PRDX6: variants seen among roughly 807,000 people sequenced by gnomAD.
PRDX6 encodes peroxiredoxin 6.
In PRDX6, 13 loss-of-function variants were observed where a neutral mutation model predicts 20.0. The ratio of observed to expected loss-of-function variants is 0.65; its 90% confidence interval spans 0.42 to 1.03. The LOEUF (loss-of-function observed/expected upper bound fraction) is 1.03. Among genes scored for constraint, PRDX6 ranks in the 50% least tolerant of loss-of-function variants. The probability of loss-of-function intolerance (pLI) is 0.00; values close to 1 mark genes in which losing one functional copy is unlikely to be tolerated. For synonymous variants in PRDX6, 85 were observed against 100.8 expected (o/e 0.84, Z 0.94); for missense variants, 203 against 276.9 (o/e 0.73, Z 1.89).
Position 173,487,457 on chromosome 1 carries a change from G to T in PRDX6, c.547-278G>T, listed in dbSNP as rs528183423. On this transcript the variant is annotated intron_variant, in intron 4 of 4. Coordinates refer to ENST00000340385, the MANE Select transcript of PRDX6 (RefSeq NM_004905.3). Reference sequence around the variant, plus strand: ...AGAGGAGGCAGGATTCCATCACACAGGGCTTGCAGGCCATGATACTCAGAA... The same window carrying T: ...AGAGGAGGCAGGATTCCATCACACATGGCTTGCAGGCCATGATACTCAGAA... 3.3e-5 allele frequency among the ~76,000 whole-genome samples: 5 copies of T among 152,312 alleles called. No individual in the cohort carries two copies. The South Asian group carries it at 8.3e-4, about 25-fold the overall frequency.
chr1:173,479,241 T>C (rs1658762257), intron 1 of PRDX6, among the ~76,000 whole-genome samples: 2 of 152,218 alleles, frequency 1.3e-5, no homozygotes. Context: ...GAGCCATAGT[T>C]AGGAACACGG....
intron 4 of PRDX6, among the ~76,000 whole-genome samples, chr1:173,486,610 C>T (rs753141364): frequency 1.8e-4 from 28 of 152,074 alleles, no homozygotes; most frequent in Non-Finnish European, 3.5e-4. Flanking sequence ...ATATGGCTTT[C>T]CAACTTTTAG....
Position 173,487,039 on chromosome 1 carries a change from G to A in PRDX6, c.546+638G>A, listed in dbSNP as rs1189603505. Among the ~76,000 whole-genome samples the A allele has an allele frequency of 2.0e-5, 3 of 152,312 alleles. No homozygotes were observed. The East Asian group carries it at 5.8e-4, about 29-fold the overall frequency. On this transcript the variant is annotated intron_variant, in intron 4 of 4. Coordinates refer to ENST00000340385, the MANE Select transcript of PRDX6 (RefSeq NM_004905.3). ...TTTATGTACTTATTGAGCCCAGATA[G>A]TAGTGAACTGGGGAGATAGCAGTGA...
intron 4 of PRDX6, among the ~76,000 whole-genome samples, chr1:173,486,715 A>G (rs1658907884): frequency 6.6e-6 from 1 of 152,230 alleles, no homozygotes; most frequent in Non-Finnish European, 1.5e-5. Flanking sequence ...ATGGCAAAAT[A>G]TTTATCGCAC....
chr1:173,479,137 A>G lies in PRDX6; in HGVS notation c.95+1645A>G, dbSNP rs924244677. Among the ~76,000 whole-genome samples, 5 of 152,338 alleles carry G rather than the reference A, an allele frequency of 3.3e-5. No individual in the cohort carries two copies. In the East Asian group the frequency reaches 9.6e-4, roughly 29 times the overall value. ...TGTGCCAACAGTTATAAATGCTGTC[A>G]CTTTTTAAGCTAACCATACTTTTTT... On this transcript the variant is annotated intron_variant, in intron 1 of 4. Transcript: ENST00000340385.
intron 4 of PRDX6, 50 bp from the exon 5 acceptor site, chr1:173,487,685 G>T: frequency 6.2e-7 from 1 of 1,606,152 alleles, no homozygotes; most frequent in South Asian, 1.1e-5. Context: ...TGAAGGCCTT[G>T]AAGCTTCACT....
At chr1:173,479,957 G>A (rs1321421799) in intron 1 of PRDX6, among the ~76,000 whole-genome samples, 19 of 152,114 alleles carry the variant, frequency 1.2e-4, no homozygotes, top group East Asian at 7.7e-4. Context: ...AGGAGGAAAC[G>A]CCCTGTTCCA....
At chr1:173,484,376 G>A (rs750602300) in intron 2 of PRDX6, among the ~76,000 whole-genome samples, 18 of 151,380 alleles carry the variant, frequency 1.2e-4, no homozygotes, top group Non-Finnish European at 2.6e-4. Context: ...GTAACTTTTG[G>A]AGTCCTACAA....
Position 173,487,788 on chromosome 1 carries a change from A to C in PRDX6, c.600A>C (p.Lys200Asn), listed in dbSNP as rs1404487150. Reference protein sequence around the residue: ...LPTIPEEEAKKLFPKGVFTKE... With the variant: ...LPTIPEEEAKNLFPKGVFTKE... The stretch of plus-strand genomic sequence containing the variant: ...CCATCCCTGAAGAAGAAGCCAAAAA[A>C]CTTTTCCCGAAAGGAGTCTTCACCA... The change falls in exon 5 of 5, where the codon AAA becomes AAC. Residue 200 changes from lysine (K) to asparagine (N), a missense_variant. By Grantham distance (94) the Lys-to-Asn change is moderately conservative (BLOSUM62 0). Transcript: ENST00000340385. The C allele has an allele frequency of 1.9e-6, 3 of 1,614,140 alleles. No homozygotes were observed. The highest frequency in any genetic ancestry group is 1.3e-5 in the African/African-American group (1 of 75,048).
chr1:173,481,499 A>C lies in PRDX6; in HGVS notation c.252+17A>C, dbSNP rs749075728. 1.2e-6 allele frequency: 2 copies of C among 1,611,272 alleles called. No individual in the cohort carries two copies. The highest frequency in any genetic ancestry group is 1.7e-5 in the Admixed American group (1 of 59,990). On this transcript the variant is annotated intron_variant, in intron 2 of 4. Transcript: ENST00000340385. ...TGGAGCAAGGTTAGTATCAATTGGC[A>C]TGTGCTTTGAGCCTGAGATTATAGG...
At chr1:173,486,527 C>T in intron 4 of PRDX6, 126 bp downstream of exon 4, 2 of 1,040,940 alleles carry the variant, frequency 1.9e-6, no homozygotes, top group South Asian at 1.9e-5. Flanking sequence ...TTCCTCATGG[C>T]TGAGTTCAAG....
chr1:173,485,478 G>A lies in PRDX6; in HGVS notation c.370G>A (p.Glu124Lys), dbSNP rs1658880645. The A allele has an allele frequency of 6.2e-7, 1 of 1,606,866 alleles. No individual in the cohort carries two copies. Among genetic ancestry groups the A allele is most frequent in the Non-Finnish European group, 8.5e-7 (1 of 1,176,308 alleles). The change falls in exon 3 of 5, where the codon GAA becomes AAA. Residue 124 changes from glutamate to lysine, a missense_variant. Glu to Lys is a moderately conservative substitution (Grantham distance 56). Transcript: ENST00000340385. ...LGMLDPAEKD[E>K]KGMPVTARVV... ...CATGCTGGATCCAGCAGAGAAGGAT[G>A]AAAAGGGCATGCCTGTGACAGCTCG...
At chr1:173,478,294 A>C (rs1272786121) in intron 1 of PRDX6, among the ~76,000 whole-genome samples, 2 of 152,202 alleles carry the variant, frequency 1.3e-5, no homozygotes, top group African/African-American at 4.8e-5. Context: ...GTTCCGCTGG[A>C]GTGGCCTATT....
At chr1:173,479,743 G>C (rs1263897746) in intron 1 of PRDX6, among the ~76,000 whole-genome samples, 2 of 152,150 alleles carry the variant, frequency 1.3e-5, no homozygotes, top group Non-Finnish European at 2.9e-5. Context: ...GACTTGGAGG[G>C]GAAGGAAGGC....
intron 2 of PRDX6, 95 bp downstream of exon 2, chr1:173,481,577 C>T (rs1658801820): frequency 7.7e-7 from 1 of 1,303,336 alleles, no homozygotes; most frequent in Non-Finnish European, 1.1e-6. Flanking sequence ...ACAAGTAAGC[C>T]TTAGGTTCAA....
intron 2 of PRDX6, 118 bp downstream of exon 2, chr1:173,481,600 A>G: frequency 3.6e-6 from 4 of 1,103,720 alleles, no homozygotes; most frequent in Non-Finnish European, 5.3e-6. Flanking sequence ...TTCACTAATT[A>G]TTTGAAAATT....
intron 1 of PRDX6, among the ~76,000 whole-genome samples, chr1:173,479,635 G>A (rs1450375612): frequency 6.6e-6 from 1 of 152,156 alleles, no homozygotes; most frequent in Non-Finnish European, 1.5e-5. Context: ...TTAGTAAGTG[G>A]GAACCATTCT....
At position 173,487,719 on chromosome 1, in the gene PRDX6, C is replaced by CA; in HGVS notation, c.547-14dup. ...CTATGAGATTGAATTTCACCATTCT[C>CA]AATGTCTTTCAATAGGATGGGGATA... On this transcript the variant is annotated splice_polypyrimidine_tract_variant and intron_variant, in intron 4 of 4. Coordinates refer to ENST00000340385, the MANE Select transcript of PRDX6 (RefSeq NM_004905.3). 6.2e-7 allele frequency: 1 copy of CA among 1,613,360 alleles called. No individual in the cohort carries two copies. Among genetic ancestry groups the CA allele is most frequent in the East Asian group, 2.2e-5 (1 of 44,884 alleles).
chr1:173,482,630 G>A (rs1410959974), intron 2 of PRDX6, among the ~76,000 whole-genome samples: 2 of 152,156 alleles, frequency 1.3e-5, no homozygotes, highest in Non-Finnish European at 2.9e-5. Flanking sequence ...TACTTTTTGA[G>A]GGATGTATAC....
Sources: gnomAD v4.1 joint callset for allele counts (sites outside exome capture counted in the v4.1 genomes callset) on GRCh38, gnomAD v4.1.1 for gene constraint, MANE v1.5 for transcripts, NCBI Gene and HGNC (gene_info 2026-07-23, HGNC 2026-07-21) for gene names.